Variants in SLC9A9 observed in about 807,000 individuals in gnomAD.
SLC9A9 encodes the protein sodium/hydrogen exchanger 9.
SLC9A9 carries 62 observed loss-of-function variants against 77.8 expected under a neutral mutation model. The observed-to-expected ratio is 0.80, with a 90% CI of 0.65 to 0.98. SLC9A9 has a LOEUF of 0.98. SLC9A9 is among the 50% of genes least tolerant of loss of function. SLC9A9 has a pLI of 0.00. For synonymous variants in SLC9A9, 320 were observed against 283.5 expected, an observed-to-expected ratio of 1.13 and a Z score of -1.29; for missense variants, 775 against 774.9, an observed-to-expected ratio of 1.00 and a Z score of 0.00.
rs2039081387 is a variant in SLC9A9 at position 143,667,084 on chromosome 3, C to T, written c.650-14724G>A. 2.0e-5 allele frequency among the ~76,000 whole-genome samples: 3 copies of T among 152,204 alleles called. No homozygotes were observed. In the South Asian group the frequency reaches 6.2e-4, roughly 32 times the overall value. ...TCATGCTACCTGACTTCAAACTATACTGCAAGGCTACAGTAACTAAAACAG... is the reference window on the plus strand; with the variant it reads ...TCATGCTACCTGACTTCAAACTATATTGCAAGGCTACAGTAACTAAAACAG... On this transcript the variant is annotated intron_variant, in intron 5 of 15. Transcript: ENST00000316549.
At chr3:143,586,771 A>G (rs959821) in intron 6 of SLC9A9, among the ~76,000 whole-genome samples, 125,052 of 152,130 alleles carry the variant, frequency 0.82, 51,827 homozygotes, top group African/African-American at 0.92. Context: ...AAGAGAACCT[A>G]CTGTAAAACA....
At chr3:143,645,563 T>G (rs1158791529) in intron 6 of SLC9A9, among the ~76,000 whole-genome samples, 1 of 152,196 alleles carries the variant, frequency 6.6e-6, no homozygotes, top group Non-Finnish European at 1.5e-5. Context: ...TTCCCCTCAG[T>G]TCCACGGTTG....
intron 14 of SLC9A9, among the ~76,000 whole-genome samples, chr3:143,296,993 G>T (rs952409602): frequency 8.5e-5 from 13 of 152,068 alleles, no homozygotes; most frequent in African/African-American, 3.1e-4. Flanking sequence ...CCCTCTGATT[G>T]TTTCCTTTAC....
At chr3:143,530,686 A>C (rs1366256270) in intron 9 of SLC9A9, among the ~76,000 whole-genome samples, 2 of 152,144 alleles carry the variant, frequency 1.3e-5, no homozygotes, top group Admixed American at 1.3e-4. Flanking sequence ...AAAACCAAAA[A>C]CACTATTCAA....
rs1164770599 is a variant in SLC9A9 at position 143,265,712 on chromosome 3, G to A, written c.*990C>T. On this transcript the variant is annotated 3_prime_UTR_variant, in exon 16 of 16. Transcript: ENST00000316549. ...TTGTAAGGGGGAGACCTGAGGCCCT[G>A]TCCTTGGCTCCTCAGTGTAACCCAC... The A allele has an allele frequency of 9.4e-6, 4 of 426,484 alleles. No individual in the cohort carries two copies. Among genetic ancestry groups the A allele is most frequent in the African/African-American group, 8.1e-5 (4 of 49,260 alleles). The allele number at this position is 426,484 out of a possible 1,614,324, so 26.4% of individuals were successfully genotyped here.
intron 14 of SLC9A9, among the ~76,000 whole-genome samples, chr3:143,311,639 G>A (rs1302342400): frequency 1.3e-5 from 2 of 152,194 alleles, no homozygotes; most frequent in Non-Finnish European, 2.9e-5. Context: ...CAGGTGATAT[G>A]TCAGGTCTCA....
At chr3:143,652,735 A>G (rs1456045811) in intron 5 of SLC9A9, among the ~76,000 whole-genome samples, 1 of 148,946 alleles carries the variant, frequency 6.7e-6, no homozygotes, top group Non-Finnish European at 1.5e-5. Context: ...TATGGCAGCA[A>G]TTCCTTCCTC....
chr3:143,392,011 A>G (rs2033580628), intron 12 of SLC9A9, among the ~76,000 whole-genome samples: 1 of 147,748 alleles, frequency 6.8e-6, no homozygotes, highest in East Asian at 1.9e-4. Context: ...AATGGAATCA[A>G]GTTGGAAAAC....
chr3:143,312,376 T>C (rs1165177794), intron 14 of SLC9A9, among the ~76,000 whole-genome samples: 1 of 152,236 alleles, frequency 6.6e-6, no homozygotes, highest in African/African-American at 2.4e-5. Flanking sequence ...AGCACTTATA[T>C]GGAAAGAGCT....
chr3:143,714,923 G>A (rs1576677413), intron 4 of SLC9A9, among the ~76,000 whole-genome samples: 1 of 152,294 alleles, frequency 6.6e-6, no homozygotes, highest in Middle Eastern at 3.4e-3. Context: ...AATCATGGGG[G>A]CAGGTCTTTC....
intron 9 of SLC9A9, among the ~76,000 whole-genome samples, chr3:143,548,266 G>A (rs908105848): frequency 3.9e-5 from 6 of 152,070 alleles, no homozygotes; most frequent in Non-Finnish European, 5.9e-5. Context: ...GGAGTTTGGC[G>A]CAGATAGCAA....
intron 14 of SLC9A9, among the ~76,000 whole-genome samples, 189 bp from the exon 15 acceptor site, chr3:143,269,169 T>C (rs1473096314): frequency 6.6e-6 from 1 of 152,244 alleles, no homozygotes; most frequent in Non-Finnish European, 1.5e-5. Context: ...CCAGCCTTCC[T>C]GATAGCCTTT....
At chr3:143,825,132 C>G (rs1266538014) in intron 2 of SLC9A9, among the ~76,000 whole-genome samples, 2 of 151,606 alleles carry the variant, frequency 1.3e-5, no homozygotes, top group African/African-American at 4.8e-5. Context: ...CTTGCTTTCT[C>G]TCAGTGTGCC....
intron 4 of SLC9A9, among the ~76,000 whole-genome samples, chr3:143,785,074 A>T (rs962131519): frequency 1.3e-5 from 2 of 152,200 alleles, no homozygotes; most frequent in Non-Finnish European, 2.9e-5. Context: ...CCAGTCTATG[A>T]TACTTTGTTA....
At chr3:143,532,391 A>G (rs1306122673) in intron 9 of SLC9A9, among the ~76,000 whole-genome samples, 1 of 152,236 alleles carries the variant, frequency 6.6e-6, no homozygotes, top group African/African-American at 2.4e-5. Flanking sequence ...AATAGTTTCT[A>G]GAAGTGTAAA....
In SLC9A9 at chr3:143,766,104, G is replaced by A. The variant is rs114981200; in HGVS notation, c.533+28897C>T. Among the ~76,000 whole-genome samples the A allele has an allele frequency of 8.9e-3, 1,358 of 152,262 alleles. 13 individuals are homozygous for A. Among genetic ancestry groups the A allele is most frequent in the African/African-American group, 0.031 (1,283 of 41,558 alleles). The stretch of plus-strand genomic sequence containing the variant: ...ACCTGCGGACTCTTGAGCTGTTATT[G>A]TCTTAAGCTACTGAGTTCTGTGGCA... On this transcript the variant is annotated intron_variant, in intron 4 of 15. Coordinates refer to ENST00000316549, the MANE Select transcript of SLC9A9 (RefSeq NM_173653.4).
chr3:143,786,390 G>A (rs1401171347), intron 4 of SLC9A9, among the ~76,000 whole-genome samples: 1 of 151,780 alleles, frequency 6.6e-6, no homozygotes, highest in Non-Finnish European at 1.5e-5. Flanking sequence ...ATTCCCTCGG[G>A]ACTTGCTTCA....
At position 143,407,441 on chromosome 3, in the gene SLC9A9, GAA is replaced by G. The variant is rs371477400; in HGVS notation, c.1470-25329_1470-25328del. The stretch of plus-strand genomic sequence containing the variant: ...CTATGCATCTGTAATACAATTCTAA[GAA>G]AAAAAAGAGGAAATATGCCATTCTT... On this transcript the variant is annotated intron_variant, in intron 12 of 15. Transcript: ENST00000316549. 7.7e-3 allele frequency among the ~76,000 whole-genome samples: 1,166 copies of G among 151,216 alleles called. 8 individuals are homozygous for G. Among genetic ancestry groups the G allele is most frequent in the South Asian group, 0.024 (113 of 4,794 alleles).
intron 9 of SLC9A9, among the ~76,000 whole-genome samples, chr3:143,536,131 A>C: frequency 6.6e-6 from 1 of 152,244 alleles, no homozygotes; most frequent in East Asian, 1.9e-4. Context: ...GTGTTTCATG[A>C]AATGCATCAT....
Sources: allele counts gnomAD v4.1 joint callset (sites outside exome capture counted in the v4.1 genomes callset), GRCh38; gene constraint gnomAD v4.1.1; transcripts MANE v1.5; gene names NCBI Gene and HGNC (gene_info 2026-07-23, HGNC 2026-07-21).